SLC20A2: variants seen among roughly 807,000 people sequenced by gnomAD.
SLC20A2 encodes the protein sodium-dependent phosphate transporter 2.
Under a neutral mutation model 61.0 loss-of-function variants are expected in SLC20A2, and 30 were observed. That is an observed-to-expected ratio of 0.49 (90% CI 0.37 to 0.67). SLC20A2 has a LOEUF of 0.67. Among genes scored for constraint, SLC20A2 ranks in the 30% least tolerant of loss-of-function variants. The probability of loss-of-function intolerance (pLI) is 0.00; values close to 1 mark genes in which losing one functional copy is unlikely to be tolerated. For missense variants in SLC20A2, 626 were observed against 866.4 expected, an observed-to-expected ratio of 0.72 and a Z score of 3.48; for synonymous variants, 351 against 353.3, an observed-to-expected ratio of 0.99 and a Z score of 0.07.
intron 3 of SLC20A2, among the ~76,000 whole-genome samples, chr8:42,464,892 T>C (rs947920167): frequency 2.0e-5 from 3 of 151,958 alleles, no homozygotes; most frequent in Non-Finnish European, 2.9e-5. Context: ...GGAGAACTGC[T>C]TGAACTCGGG....
intron 1 of SLC20A2, among the ~76,000 whole-genome samples, chr8:42,517,887 T>C (rs1376708224): frequency 1.3e-5 from 2 of 152,184 alleles, no homozygotes; most frequent in Non-Finnish European, 2.9e-5. Flanking sequence ...CACAAGTCCC[T>C]AAGGTTGTAT....
intron 1 of SLC20A2, among the ~76,000 whole-genome samples, chr8:42,509,772 A>G (rs55881007): frequency 0.32 from 48,407 of 151,818 alleles, 8,382 homozygotes; most frequent in East Asian, 0.46. Flanking sequence ...AAAACAAAAC[A>G]AAACAAAAAG....
intron 5 of SLC20A2, among the ~76,000 whole-genome samples, chr8:42,453,805 C>G (rs1805923725): frequency 6.6e-6 from 1 of 152,056 alleles, no homozygotes; most frequent in Non-Finnish European, 1.5e-5. Flanking sequence ...TTTTTCCATA[C>G]AAAGATGTGT....
Position 42,524,313 on chromosome 8 carries a change from A to G in SLC20A2, c.-265+17508T>C, listed in dbSNP as rs73632756. On this transcript the variant is annotated intron_variant, in intron 1 of 10. Coordinates refer to the SLC20A2 transcript ENST00000342228. ...ACTGAAATATTTATAGTGATTTAAT[A>G]TGTGGGATTTACTTCAAAATAACAT... Among the ~76,000 whole-genome samples, 763 of 152,330 alleles carry G rather than the reference A, an allele frequency of 5.0e-3. 8 individuals are homozygous for G. The highest frequency in any genetic ancestry group is 0.018 in the African/African-American group (736 of 41,564).
chr8:42,485,499 G>A (rs961851275), intron 1 of SLC20A2, among the ~76,000 whole-genome samples: 14 of 151,968 alleles, frequency 9.2e-5, no homozygotes, highest in African/African-American at 1.4e-4. Context: ...AAAATTGGCC[G>A]GGTGTAGTGG....
At chr8:42,445,104 C>T (rs1453418016) in intron 5 of SLC20A2, among the ~76,000 whole-genome samples, 2 of 151,572 alleles carry the variant, frequency 1.3e-5, no homozygotes, top group Non-Finnish European at 2.9e-5. Context: ...TCAGCCTGGC[C>T]AATATAGTAA....
intron 8 of SLC20A2, among the ~76,000 whole-genome samples, chr8:42,436,042 G>GGAGAAGGA (rs1804223165): frequency 6.6e-6 from 1 of 152,064 alleles, no homozygotes; most frequent in South Asian, 2.1e-4. Flanking sequence ...CTTGAACTTG[G>GGAGAAGGA]GAGAAGGAGG....
chr8:42,510,469 A>G (rs1365736139), intron 1 of SLC20A2, among the ~76,000 whole-genome samples: 2 of 152,242 alleles, frequency 1.3e-5, no homozygotes, highest in Non-Finnish European at 2.9e-5. Context: ...ACTATTAAGT[A>G]TCAAGCAACG....
Position 42,507,514 on chromosome 8 carries a change from G to GAATA in SLC20A2, c.-265+34303_-265+34306dup, listed in dbSNP as rs1313865833. Among the ~76,000 whole-genome samples, 6 of 152,336 alleles carry GAATA rather than the reference G, an allele frequency of 3.9e-5. No individual in the cohort carries two copies. In the East Asian group the frequency reaches 1.2e-3, roughly 29 times the overall value. On this transcript the variant is annotated intron_variant, in intron 1 of 10. Coordinates refer to the SLC20A2 transcript ENST00000342228. The stretch of plus-strand genomic sequence containing the variant: ...GGCAGCATTATGACTGCTGTTGTTT[G>GAATA]AATACTCATTTTAACATAGTTGATT...
intron 1 of SLC20A2, among the ~76,000 whole-genome samples, chr8:42,487,971 A>C (rs181915226): frequency 1.3e-5 from 2 of 152,220 alleles, no homozygotes; most frequent in Admixed American, 1.3e-4. Flanking sequence ...CAGCCTAAGG[A>C]GCTCAGGGGA....
chr8:42,504,881 A>AAAAAAG, upstream of SLC20A2, among the ~76,000 whole-genome samples: 1 of 145,210 alleles, frequency 6.9e-6, no homozygotes, highest in Non-Finnish European at 1.5e-5. Flanking sequence ...AAAAAAAAAA[A>AAAAAAG]AAAAAGGCAT....
intron 1 of SLC20A2, among the ~76,000 whole-genome samples, chr8:42,498,650 T>C (rs1586211554): frequency 6.6e-6 from 1 of 152,102 alleles, no homozygotes; most frequent in South Asian, 2.1e-4. Flanking sequence ...TCCCATTATG[T>C]TACACTTGTT....
intron 4 of SLC20A2, among the ~76,000 whole-genome samples, chr8:42,461,454 CTTT>C (rs752764620): frequency 7.2e-6 from 1 of 138,976 alleles, no homozygotes. Context: ...TTTCAAATAT[CTTT>C]TTTTTTTTTT....
rs538607136 is a variant in SLC20A2 at position 42,456,752 on chromosome 8, A to C, written c.613+3144T>G. Among the ~76,000 whole-genome samples, 751 of 123,132 alleles carry C rather than the reference A, an allele frequency of 6.1e-3. 8 individuals are homozygous for C. Among genetic ancestry groups the C allele is most frequent in the Non-Finnish European group, 9.8e-3 (570 of 57,874 alleles). 80.8% of individuals were successfully genotyped at this position (123,132 alleles called of 152,430 possible). On this transcript the variant is annotated intron_variant, in intron 5 of 10. Transcript: ENST00000520262. ...GTCTCAAAAAAAAAAAAAAAAAAAAAAAACAAGGACTAAGATATCTCCCGT... is the reference window on the plus strand; with the variant it reads ...GTCTCAAAAAAAAAAAAAAAAAAAACAAACAAGGACTAAGATATCTCCCGT...
At chr8:42,492,798 C>A (rs974515792) in intron 1 of SLC20A2, among the ~76,000 whole-genome samples, 1 of 152,108 alleles carries the variant, frequency 6.6e-6, no homozygotes, top group Non-Finnish European at 1.5e-5. Context: ...CTGCCTCAGC[C>A]TCCCAAGTAG....
intron 1 of SLC20A2, among the ~76,000 whole-genome samples, chr8:42,497,434 C>T (rs904086888): frequency 2.6e-5 from 4 of 152,128 alleles, no homozygotes; most frequent in African/African-American, 4.8e-5. Flanking sequence ...TGGGTGGGGC[C>T]TGAGAATCTG....
At chr8:42,443,032 T>C (rs1437336166) in intron 6 of SLC20A2, among the ~76,000 whole-genome samples, 4 of 151,872 alleles carry the variant, frequency 2.6e-5, no homozygotes, top group Admixed American at 6.6e-5. Flanking sequence ...TCCTAAGCCA[T>C]ATTCTTCTTC....
chr8:42,465,741 C>T (rs921047748), intron 3 of SLC20A2, 36 bp downstream of exon 3: 1 of 1,510,480 alleles, frequency 6.6e-7, no homozygotes, highest in African/African-American at 1.4e-5. Flanking sequence ...AAAATGTAAA[C>T]TTTCCTTCTT....
chr8:42,418,449 C>T (rs1802819703), intron 10 of SLC20A2, among the ~76,000 whole-genome samples: 1 of 151,018 alleles, frequency 6.6e-6, no homozygotes, highest in Non-Finnish European at 1.5e-5. Flanking sequence ...TACAGTGGTG[C>T]AATCTCAGCT....
Sources: gnomAD v4.1 joint callset for allele counts (sites outside exome capture counted in the v4.1 genomes callset) on GRCh38, gnomAD v4.1.1 for gene constraint, MANE v1.5 for transcripts, NCBI Gene and HGNC (gene_info 2026-07-23, HGNC 2026-07-21) for gene names.